Variants in TENM2 observed in about 807,000 individuals in gnomAD.
TENM2 encodes the protein teneurin-2.
Under a neutral mutation model 245.2 loss-of-function variants are expected in TENM2, and 52 were observed. The ratio of observed to expected loss-of-function variants is 0.21; its 90% CI spans 0.17 to 0.27. The LOEUF (loss-of-function observed/expected upper bound fraction) is 0.27. TENM2 is among the 10% of genes least tolerant of loss of function. TENM2 has a pLI of 1.00. For missense variants in TENM2, 3,046 were observed against 3,666.8 expected (o/e 0.83, Z 4.37); for synonymous variants, 1,363 against 1,438.9 (o/e 0.95, Z 1.19).
the TENM2 span, among the ~76,000 whole-genome samples, chr5:167,224,480 C>T: frequency 6.6e-6 from 1 of 151,940 alleles, no homozygotes; most frequent in Non-Finnish European, 1.5e-5. Flanking sequence ...ATGACTTTGT[C>T]AAAGATCAGC....
At chr5:167,739,362 A>G (rs1365239203) in intron 2 of TENM2, among the ~76,000 whole-genome samples, 1 of 152,222 alleles carries the variant, frequency 6.6e-6, no homozygotes, top group Non-Finnish European at 1.5e-5. Context: ...TGTTTGACTA[A>G]GAGTGATAAT....
chr5:167,024,123 A>T, the TENM2 span, among the ~76,000 whole-genome samples: 1 of 152,228 alleles, frequency 6.6e-6, no homozygotes, highest in Admixed American at 6.5e-5. Context: ...AAGCAAACTG[A>T]CAAGCAATCA....
exon 4 of TENM2, chr5:167,952,688 C>CAGG (rs1403912248): frequency 2.5e-6 from 4 of 1,612,828 alleles, no homozygotes; most frequent in Non-Finnish European, 3.4e-6. Flanking sequence ...ACTCCCTCAA[C>CAGG]AGGAACTCAC....
At chr5:167,639,134 C>T (rs1455939749) in intron 2 of TENM2, among the ~76,000 whole-genome samples, 1 of 152,146 alleles carries the variant, frequency 6.6e-6, no homozygotes, top group Non-Finnish European at 1.5e-5. Flanking sequence ...TAGTAATTTC[C>T]ATATGATTTT....
At chr5:167,234,604 A>G in the TENM2 span, among the ~76,000 whole-genome samples, 2 of 152,188 alleles carry the variant, frequency 1.3e-5, no homozygotes, top group Non-Finnish European at 1.5e-5. Context: ...GCCCATCACA[A>G]CTGTGGGGCT....
At chr5:167,824,833 CA>C (rs1198705557) in intron 2 of TENM2, among the ~76,000 whole-genome samples, 1 of 152,140 alleles carries the variant, frequency 6.6e-6, no homozygotes, top group Non-Finnish European at 1.5e-5. Flanking sequence ...TTCAACGTTT[CA>C]AAAAATGCTG....
At chr5:167,483,112 G>GATCAAAGT (rs1767855453) in intron 2 of TENM2, among the ~76,000 whole-genome samples, 2 of 152,146 alleles carry the variant, frequency 1.3e-5, no homozygotes, top group South Asian at 4.1e-4. Context: ...TAACATAGGA[G>GATCAAAGT]ATCAAAGTCA....
intron 3 of TENM2, among the ~76,000 whole-genome samples, chr5:167,924,032 A>G (rs1334418644): frequency 1.3e-5 from 2 of 152,230 alleles, no homozygotes; most frequent in Non-Finnish European, 2.9e-5. Flanking sequence ...ACCAGTTGTC[A>G]GTGCTGACAA....
chr5:168,140,612 C>T (rs569876679), intron 12 of TENM2, among the ~76,000 whole-genome samples: 28 of 152,290 alleles, frequency 1.8e-4, no homozygotes, highest in African/African-American at 6.5e-4. Flanking sequence ...TCCATTACAA[C>T]GTGTCTCTGC....
intron 2 of TENM2, among the ~76,000 whole-genome samples, chr5:167,669,160 G>A (rs1347307240): frequency 6.6e-6 from 1 of 152,118 alleles, no homozygotes; most frequent in East Asian, 1.9e-4. Flanking sequence ...GGTTCTCAGT[G>A]TTTACATGCA....
chr5:167,864,715 C>T (rs754254397), intron 2 of TENM2, among the ~76,000 whole-genome samples: 7 of 152,208 alleles, frequency 4.6e-5, no homozygotes, highest in South Asian at 2.1e-4. Context: ...TTCTTCCCAA[C>T]GAACTTATCC....
chr5:168,193,714 G>A (rs1212332738), intron 14 of TENM2, among the ~76,000 whole-genome samples: 9 of 152,190 alleles, frequency 5.9e-5, no homozygotes, highest in Non-Finnish European at 1.0e-4. Flanking sequence ...TTCTCATCAC[G>A]AGCACTGTGT....
At chr5:167,906,422 G>T (rs1160418039) in intron 3 of TENM2, among the ~76,000 whole-genome samples, 1 of 152,168 alleles carries the variant, frequency 6.6e-6, no homozygotes, top group Admixed American at 6.5e-5. Context: ...ATTAGCCCGT[G>T]CACCTGTTTG....
the TENM2 span, among the ~76,000 whole-genome samples, chr5:167,253,935 A>G: frequency 1.3e-5 from 2 of 152,232 alleles, no homozygotes; most frequent in East Asian, 3.9e-4. Context: ...TTCAGACAGG[A>G]TGAATACAAG....
At chr5:167,663,592 A>T (rs1755383477) in intron 2 of TENM2, among the ~76,000 whole-genome samples, 1 of 152,110 alleles carries the variant, frequency 6.6e-6, no homozygotes, top group South Asian at 2.1e-4. Context: ...TGCAGTTTCT[A>T]AATCTGAGGA....
intron 2 of TENM2, among the ~76,000 whole-genome samples, chr5:167,480,967 A>G (rs1166265810): frequency 6.6e-6 from 1 of 152,244 alleles, no homozygotes; most frequent in Non-Finnish European, 1.5e-5. Context: ...TAAAAAATTC[A>G]TAGGTCTGAA....
chr5:167,201,258 A>T, the TENM2 span, among the ~76,000 whole-genome samples: 4 of 152,190 alleles, frequency 2.6e-5, no homozygotes, highest in Admixed American at 6.5e-5. Context: ...CCAATAACAT[A>T]ATATTCAAGT....
At chr5:167,060,293 A>G in the TENM2 span, among the ~76,000 whole-genome samples, 412 of 152,276 alleles carry the variant, frequency 2.7e-3, 1 homozygote, top group Non-Finnish European at 3.7e-3. Context: ...ATAGAAACAT[A>G]AATTACAATA....
intron 2 of TENM2, among the ~76,000 whole-genome samples, chr5:167,796,554 T>G (rs1398521545): frequency 6.6e-6 from 1 of 152,092 alleles, no homozygotes; most frequent in Non-Finnish European, 1.5e-5. Flanking sequence ...ATTCTCCCAT[T>G]TATACACTCT....
Sources: allele counts gnomAD v4.1 joint callset (sites outside exome capture counted in the v4.1 genomes callset), GRCh38; gene constraint gnomAD v4.1.1; transcripts MANE v1.5; gene names NCBI Gene and HGNC (gene_info 2026-07-23, HGNC 2026-07-21).